The following EIF3CL variants were observed in gnomAD, a reference collection of about 807,000 sequenced individuals.
EIF3CL encodes the protein eukaryotic translation initiation factor 3 subunit C like.
For synonymous variants in EIF3CL, 2 were observed against 19.6 expected (o/e 0.10, Z 2.37); for missense variants, 5 against 56.1 (o/e 0.09, Z 2.91).
rs1461202468 is a variant in EIF3CL, at chr16:28,402,309, G to A, written c.102-705C>T. ...GGATTATTTTAGCGGTGTTTTTTGA[G>A]GTGGAGTTTTGCTTTTATCGCCCAG... On this transcript the variant is annotated intron_variant, in intron 2 of 20. Coordinates refer to ENST00000380876, the MANE Select transcript of EIF3CL (RefSeq NM_001317857.2). 3.6e-5 allele frequency among the ~76,000 whole-genome samples: 5 copies of A among 140,528 alleles called. 1 individual carries two copies. Among genetic ancestry groups the A allele is most frequent in the Non-Finnish European group, 7.6e-5 (5 of 65,628 alleles). 92.2% of individuals were successfully genotyped at this position (140,528 alleles called of 152,430 possible). A position where few individuals can be genotyped will look rare whatever the true frequency, so the allele number is the denominator to read the frequency against.
At chr16:28,408,199 G>C (rs776464064), upstream of EIF3CL, among the ~76,000 whole-genome samples, 7,950 of 26,036 alleles carry the variant, frequency 0.31, 1,167 homozygotes, top group Middle Eastern at 0.39. Context: ...GCAAGACCTT[G>C]TCGCCAAAAA....
At chr16:28,418,674 G>A in the EIF3CL span, among the ~76,000 whole-genome samples, 20 of 151,602 alleles carry the variant, frequency 1.3e-4, no homozygotes, top group African/African-American at 4.6e-4. Context: ...CTTTTGCCTA[G>A]GCTGGAGTAC....
At chr16:28,414,645 A>G in the EIF3CL span, 1 of 319,054 alleles carries the variant, frequency 3.1e-6, no homozygotes, top group South Asian at 2.4e-5. Context: ...CTGCTAGTGC[A>G]TGGAGAGCTT....
At chr16:28,417,158 C>T in the EIF3CL span, among the ~76,000 whole-genome samples, 19 of 135,580 alleles carry the variant, frequency 1.4e-4, no homozygotes, top group Admixed American at 4.4e-4. Flanking sequence ...GTCAGCCCCC[C>T]GCCCGGCCAG....
At chr16:28,416,753 G>A in the EIF3CL span, among the ~76,000 whole-genome samples, 386 of 84,974 alleles carry the variant, frequency 4.5e-3, no homozygotes, top group Middle Eastern at 0.019. Flanking sequence ...CGGGAGGGAG[G>A]TGGGGGGGGT....
chr16:28,422,697 T>C, the EIF3CL span, among the ~76,000 whole-genome samples: 2 of 143,460 alleles, frequency 1.4e-5, no homozygotes, highest in Non-Finnish European at 3.0e-5. Context: ...ATTAGCCAGG[T>C]GTGGTGGCGG....
chr16:28,419,068 A>C, the EIF3CL span, among the ~76,000 whole-genome samples: 1 of 141,868 alleles, frequency 7.0e-6, no homozygotes, highest in African/African-American at 2.6e-5. Flanking sequence ...GTGCAGTAGG[A>C]TGATCTTGGC....
the EIF3CL span, chr16:28,414,762 G>C: frequency 1.6e-5 from 7 of 425,746 alleles, 1 homozygote; most frequent in South Asian, 1.2e-4. Context: ...TCAAGAAGCA[G>C]CTTGGCCCTG....
At chr16:28,416,624 G>A in the EIF3CL span, among the ~76,000 whole-genome samples, 1 of 66,384 alleles carries the variant, frequency 1.5e-5, no homozygotes, top group South Asian at 4.1e-4. Context: ...CACCCCGTCT[G>A]AGAAGTGAGG....
chr16:28,416,890 G>A, the EIF3CL span, among the ~76,000 whole-genome samples: 8 of 94,586 alleles, frequency 8.5e-5, no homozygotes, highest in Admixed American at 4.3e-4. Flanking sequence ...AGGTGGGGGG[G>A]GTCAGCCCCC....
At chr16:28,418,569 T>C in the EIF3CL span, among the ~76,000 whole-genome samples, 1 of 139,464 alleles carries the variant, frequency 7.2e-6, no homozygotes, top group Non-Finnish European at 1.6e-5. Context: ...TAAATGAGTT[T>C]CCCATAGTCC....
the EIF3CL span, among the ~76,000 whole-genome samples, chr16:28,426,012 G>A: frequency 2.7e-5 from 3 of 112,466 alleles, no homozygotes; most frequent in African/African-American, 9.5e-5. Context: ...AACCCGGGAA[G>A]CAGAGGTTGC....
Sources: gnomAD v4.1 joint callset for allele counts (sites outside exome capture counted in the v4.1 genomes callset) on GRCh38, gnomAD v4.1.1 for gene constraint, MANE v1.5 for transcripts, NCBI Gene and HGNC (gene_info 2026-07-23, HGNC 2026-07-21) for gene names.